The following MAGI2 variants were observed in gnomAD, a reference collection of about 807,000 sequenced individuals.
The protein encoded by MAGI2 is membrane-associated guanylate kinase, WW and PDZ domain-containing protein 2.
A neutral mutation model predicts 133.3 loss-of-function variants in MAGI2; 35 were observed. That is an observed-to-expected ratio of 0.26 (90% CI 0.20 to 0.35). The LOEUF (loss-of-function observed/expected upper bound fraction) is 0.35, where lower values mean the gene tolerates loss of function less well. Among genes scored for constraint, MAGI2 ranks in the 10% least tolerant of loss-of-function variants. The pLI is 1.00. For missense variants in MAGI2, 1,636 were observed against 1,863.4 expected (o/e 0.88, Z 2.25); for synonymous variants, 729 against 710.6 (o/e 1.03, Z -0.41).
intron 1 of MAGI2, among the ~76,000 whole-genome samples, chr7:79,043,086 T>C (rs1811822421): frequency 6.6e-6 from 1 of 151,886 alleles, no homozygotes; most frequent in Non-Finnish European, 1.5e-5. Context: ...TAAAACAGTA[T>C]TAAGAAGAAA....
chr7:78,334,170 G>A (rs1789516828), intron 9 of MAGI2, among the ~76,000 whole-genome samples: 1 of 152,136 alleles, frequency 6.6e-6, no homozygotes, highest in South Asian at 2.1e-4. Flanking sequence ...GCTCAGAATG[G>A]TTAGGAAGGG....
At chr7:79,396,891 T>TG (rs11388049) in intron 1 of MAGI2, among the ~76,000 whole-genome samples, 86,228 of 151,938 alleles carry the variant, frequency 0.57, 27,620 homozygotes, top group African/African-American at 0.87. Flanking sequence ...ATATATTAAG[T>TG]GAACACCTTG....
chr7:78,073,645 T>A (rs1814959225), intron 21 of MAGI2, among the ~76,000 whole-genome samples: 1 of 152,242 alleles, frequency 6.6e-6, no homozygotes. Flanking sequence ...CAGCGGCACC[T>A]CTATTTACCT....
chr7:78,148,122 A>C (rs376330391), intron 16 of MAGI2, among the ~76,000 whole-genome samples: 1 of 152,210 alleles, frequency 6.6e-6, no homozygotes, highest in Admixed American at 6.5e-5. Flanking sequence ...TAATCACCAG[A>C]AACAGGAAAC....
At chr7:78,174,123 AG>A (rs1826368748) in intron 14 of MAGI2, among the ~76,000 whole-genome samples, 1 of 152,208 alleles carries the variant, frequency 6.6e-6, no homozygotes, top group Non-Finnish European at 1.5e-5. Context: ...TGTTCTGAGA[AG>A]CTCAGGTGAC....
At chr7:78,240,287 T>A (rs1055097455) in intron 10 of MAGI2, among the ~76,000 whole-genome samples, 1 of 152,072 alleles carries the variant, frequency 6.6e-6, no homozygotes, top group Non-Finnish European at 1.5e-5. Flanking sequence ...TCCAGCTTCA[T>A]CCATGTCCCT....
At chr7:78,495,260 C>G (rs1270598496) in intron 5 of MAGI2, among the ~76,000 whole-genome samples, 3 of 152,118 alleles carry the variant, frequency 2.0e-5, no homozygotes. Context: ...TATCCCTCCC[C>G]TAGGCCCCTA....
At chr7:78,077,782 T>C (rs1316369526) in intron 21 of MAGI2, among the ~76,000 whole-genome samples, 1 of 138,772 alleles carries the variant, frequency 7.2e-6, no homozygotes, top group Non-Finnish European at 1.5e-5. Context: ...CAGACTGGAG[T>C]GTAATGGTGT....
rs147095919 is a variant in MAGI2, at chr7:78,724,457, G to A, written c.419-97218C>T. On this transcript the variant is annotated intron_variant, in intron 2 of 21. Transcript: ENST00000354212. ...AGCAAGGAGCAGAAGCTTTCAAGTCGAGTGCACAGTCATTTTAAAAATGAG... is the reference window on the plus strand; with the variant it reads ...AGCAAGGAGCAGAAGCTTTCAAGTCAAGTGCACAGTCATTTTAAAAATGAG... 6.6e-5 allele frequency among the ~76,000 whole-genome samples: 10 copies of A among 152,290 alleles called. No individual in the cohort carries two copies. The East Asian group carries it at 7.7e-4, about 12-fold the overall frequency.
intron 1 of MAGI2, among the ~76,000 whole-genome samples, chr7:79,081,659 G>T (rs1451852851): frequency 1.3e-5 from 2 of 152,054 alleles, no homozygotes; most frequent in East Asian, 3.9e-4. Context: ...AGCTAAGAGT[G>T]CAATTAACAA....
At chr7:78,655,454 C>CAAAAAAAAAAAAAAAAAAAAAAACA in intron 2 of MAGI2, among the ~76,000 whole-genome samples, 4 of 64,944 alleles carry the variant, frequency 6.2e-5, no homozygotes, top group African/African-American at 1.3e-4. Context: ...AAAAAACAAC[C>CAAAAAAAAAAAAAAAAAAAAAAACA]AAAAAAAAAA....
At chr7:78,659,087 C>T (rs190639965) in intron 2 of MAGI2, among the ~76,000 whole-genome samples, 33 of 152,166 alleles carry the variant, frequency 2.2e-4, no homozygotes, top group African/African-American at 7.9e-4. Context: ...AGAGGGAATG[C>T]TTAAACGAAC....
At chr7:78,890,385 CA>C (rs1385591199) in intron 2 of MAGI2, among the ~76,000 whole-genome samples, 24 of 152,330 alleles carry the variant, frequency 1.6e-4, no homozygotes, top group South Asian at 6.2e-4. Context: ...ACCTAATAGA[CA>C]TCTACAGAAC....
At chr7:79,206,760 C>CA (rs1321664860) in intron 1 of MAGI2, among the ~76,000 whole-genome samples, 5 of 151,110 alleles carry the variant, frequency 3.3e-5, no homozygotes, top group African/African-American at 4.9e-5. Flanking sequence ...AATGACATTA[C>CA]AAAAAAAATT....
intron 1 of MAGI2, among the ~76,000 whole-genome samples, chr7:79,235,105 C>T (rs1200208279): frequency 6.6e-5 from 10 of 151,472 alleles, no homozygotes; most frequent in South Asian, 2.1e-4. Context: ...TTAGGCTGCT[C>T]GGGGGTCAGG....
chr7:79,221,412 A>C (rs1044608882), intron 1 of MAGI2, among the ~76,000 whole-genome samples: 2 of 152,030 alleles, frequency 1.3e-5, no homozygotes, highest in African/African-American at 4.8e-5. Flanking sequence ...GGTGCACAGC[A>C]GGAAACCAGA....
At chr7:78,219,321 C>T (rs1336732736) in intron 10 of MAGI2, among the ~76,000 whole-genome samples, 1 of 152,178 alleles carries the variant, frequency 6.6e-6, no homozygotes, top group African/African-American at 2.4e-5. Context: ...CATTCATTTA[C>T]TTATTCATCA....
chr7:79,280,699 G>A (rs1835569286), intron 1 of MAGI2, among the ~76,000 whole-genome samples: 1 of 151,872 alleles, frequency 6.6e-6, no homozygotes, highest in African/African-American at 2.4e-5. Flanking sequence ...AAGGCAGATG[G>A]GGAGGATCAC....
At chr7:78,053,333 G>C (rs1339906304) in intron 21 of MAGI2, among the ~76,000 whole-genome samples, 2 of 152,130 alleles carry the variant, frequency 1.3e-5, no homozygotes, top group Non-Finnish European at 2.9e-5. Flanking sequence ...TAGGTGAGGA[G>C]ACCCTTAATA....
Sources: gnomAD v4.1 joint callset for allele counts (sites outside exome capture counted in the v4.1 genomes callset) on GRCh38, gnomAD v4.1.1 for gene constraint, MANE v1.5 for transcripts, NCBI Gene and HGNC (gene_info 2026-07-23, HGNC 2026-07-21) for gene names.